The following ZNF14 variants were observed in gnomAD, a reference collection of about 807,000 sequenced individuals.
The protein encoded by ZNF14 is zinc finger protein 14, also known as gonadotropin inducible transcription repressor-4.
ZNF14 carries 9 observed loss-of-function variants against 11.3 expected under a neutral mutation model. That is an observed-to-expected ratio of 0.80 (90% CI 0.48 to 1.39). The LOEUF is 1.39. Ranked by LOEUF, ZNF14 falls within the 40% of genes most tolerant of loss-of-function variation. The probability of loss-of-function intolerance (pLI) is 0.00; values close to 1 mark genes in which losing one functional copy is unlikely to be tolerated. For missense variants in ZNF14, 711 were observed against 763.9 expected, an observed-to-expected ratio of 0.93 and a Z score of 0.82; for synonymous variants, 239 against 245.7, an observed-to-expected ratio of 0.97 and a Z score of 0.25.
rs145149249 is a variant in ZNF14 at position 19,712,405 on chromosome 19, A to T, written c.876T>A (p.Ser292Arg). Residue 292 changes from serine (S) to arginine (R), a missense_variant, in exon 4 of 4, where the codon AGT (serine) becomes AGA (arginine). Transcript: ENST00000344099. ...GAGTCCTTTTATGCCTTCGAAAAGA[A>T]CTGAGAAAACTGAAGGCTTTACCAC... ...KECGKAFSFL[S>R]SFRRHKRTHS... is the part of the protein sequence containing the mutation. The T allele has an allele frequency of 2.2e-5, 35 of 1,609,856 alleles. No homozygotes were observed. In the African/African-American group the frequency reaches 4.6e-4, roughly 21 times the overall value.
intron 1 of ZNF14, among the ~76,000 whole-genome samples, chr19:19,718,659 C>G (rs555484877): frequency 3.9e-5 from 6 of 152,228 alleles, no homozygotes; most frequent in African/African-American, 9.6e-5. Context: ...CAAATCCACA[C>G]CTGGGTGTAT....
rs1284498063 is a variant in ZNF14, at chr19:19,711,372, G to A, written c.1909C>T (p.His637Tyr). 6.4e-7 allele frequency: 1 copy of A among 1,564,686 alleles called. No homozygotes were observed. The stretch of plus-strand genomic sequence containing the variant: ...TATTCTTAGACTTTCTCTCCCATAT[G>A]AGTCCTTTCATGCAGTCGAAAGTGA... Reference protein sequence around the residue: ...SSHFRLHERTHMGEKV With the variant: ...SSHFRLHERTYMGEKV Residue 637 changes from histidine to tyrosine, a missense_variant, in exon 4 of 4, where the codon CAT becomes TAT. His to Tyr is a moderately conservative substitution (Grantham distance 83, BLOSUM62 2). Coordinates refer to ENST00000344099, the MANE Select transcript of ZNF14 (RefSeq NM_021030.3).
intron 1 of ZNF14, among the ~76,000 whole-genome samples, chr19:19,731,292 C>G (rs2062422427): frequency 6.6e-6 from 1 of 151,742 alleles, no homozygotes; most frequent in Non-Finnish European, 1.5e-5. Context: ...TACCCACAAT[C>G]AGCCAGGCGC....
Position 19,711,267 on chromosome 19 carries a change from C to T in ZNF14, c.*85G>A. The T allele has an allele frequency of 1.4e-6, 2 of 1,430,948 alleles. No homozygotes were observed. Among genetic ancestry groups the T allele is most frequent in the African/African-American group, 2.9e-5 (2 of 70,120 alleles). 88.6% of individuals were successfully genotyped at this position (1,430,948 alleles called of 1,614,324 possible). On this transcript the variant is annotated 3_prime_UTR_variant, in exon 4 of 4. Transcript: ENST00000344099. Reference sequence around the variant, plus strand: ...AGGGCTTTAGAACAATGTTTGTATTCACACAGCTTCTGTCCAGTATGAACT... The same window carrying T: ...AGGGCTTTAGAACAATGTTTGTATTTACACAGCTTCTGTCCAGTATGAACT...
Position 19,711,831 on chromosome 19 carries a change from A to G in ZNF14, c.1450T>C (p.Phe484Leu). 1 of 1,613,420 alleles carries G rather than the reference A, an allele frequency of 6.2e-7. No individual in the cohort carries two copies. The highest frequency in any genetic ancestry group is 8.5e-7 in the Non-Finnish European group (1 of 1,179,516). Residue 484 changes from phenylalanine (F) to leucine (L), a missense_variant, in exon 4 of 4, where the codon TTC becomes CTC. Transcript: ENST00000344099. ...PYECKQCGKV[F>L]IRSSSFRLHE... ...AGTCGAAAGGAACTGGAACGAATGA[A>G]AACTTTTCCACACTGTTTACATTCA... is the stretch of plus-strand genomic sequence containing the variant.
At chr19:19,731,711 A>C (rs1599473881) in intron 1 of ZNF14, among the ~76,000 whole-genome samples, 1 of 152,140 alleles carries the variant, frequency 6.6e-6, no homozygotes, top group Non-Finnish European at 1.5e-5. Flanking sequence ...CACAACATAC[A>C]CTTACAATCA....
rs747021917 is a variant in ZNF14 at position 19,712,225 on chromosome 19, CA to C, written c.1055del (p.Val352GlyfsTer354). On this transcript the variant is annotated frameshift_variant, in exon 4 of 4. Coordinates refer to ENST00000344099, the MANE Select transcript of ZNF14 (RefSeq NM_021030.3). LOFTEE classifies it low-confidence loss of function (END_TRUNC). ...TTTCTCCAATATGAGTTCTTTCATG[CA>C]CTCGACAGGAATTAGAAGAGTTGAA... is the stretch of plus-strand genomic sequence containing the variant. ...KAFNSSNSCRVHERTHIGEKP... is the reference protein window; with the variant it reads ...KAFNSSNSCRXHERTHIGEKP... 16 of 1,613,820 alleles carry C rather than the reference CA, an allele frequency of 9.9e-6. No individual in the cohort carries two copies. The highest frequency in any genetic ancestry group is 1.4e-5 in the Non-Finnish European group (16 of 1,179,992).
At chr19:19,723,289 G>A (rs2062398116) in intron 1 of ZNF14, among the ~76,000 whole-genome samples, 1 of 151,768 alleles carries the variant, frequency 6.6e-6, no homozygotes. Flanking sequence ...TAGCATGAAG[G>A]AAGGGCTGTT....
At chr19:19,732,227 T>A (rs1979263) in intron 1 of ZNF14, among the ~76,000 whole-genome samples, 77,727 of 152,024 alleles carry the variant, frequency 0.51, 20,445 homozygotes, top group Non-Finnish European at 0.58. Flanking sequence ...AGCTCACAAT[T>A]AATTCCATCC....
intron 1 of ZNF14, among the ~76,000 whole-genome samples, chr19:19,729,205 T>C (rs1435295274): frequency 6.6e-6 from 1 of 152,046 alleles, no homozygotes; most frequent in Non-Finnish European, 1.5e-5. Context: ...CTGGAACTCC[T>C]AACCTCGTGA....
At chr19:19,732,909 G>A (rs1181963254) in intron 1 of ZNF14, 47 bp downstream of exon 1, 3 of 1,610,910 alleles carry the variant, frequency 1.9e-6, no homozygotes, top group Non-Finnish European at 2.5e-6. Flanking sequence ...GGCCACAGAC[G>A]GTTCCAACCA....
Position 19,714,505 on chromosome 19 carries a change from T to C in ZNF14, c.4-18A>G, listed in dbSNP as rs780573915. The C allele has an allele frequency of 6.8e-5, 110 of 1,606,248 alleles. No homozygotes were observed. The highest frequency in any genetic ancestry group is 8.2e-5 in the Non-Finnish European group (97 of 1,177,538). ...ACTGAGTCCTGAAACATTCCACATA[T>C]GTTTACAGAGGATGGGTAAGACTGG... On this transcript the variant is annotated intron_variant, in intron 1 of 3. Coordinates refer to ENST00000344099, the MANE Select transcript of ZNF14 (RefSeq NM_021030.3).
At chr19:19,713,748 C>CTTTTTTTTTTTTTTTTT (rs71172526) in intron 3 of ZNF14, among the ~76,000 whole-genome samples, 27 of 120,188 alleles carry the variant, frequency 2.2e-4, no homozygotes, top group Admixed American at 3.4e-4. Context: ...TGTGCCAGGC[C>CTTTTTTTTTTTTTTTTT]TTTTTTTTTT....
At chr19:19,721,250 C>T (rs1475830357) in intron 1 of ZNF14, among the ~76,000 whole-genome samples, 1 of 152,212 alleles carries the variant, frequency 6.6e-6, no homozygotes, top group African/African-American at 2.4e-5. Flanking sequence ...GCCACCACCC[C>T]CGGCCCTTCC....
chr19:19,719,640 T>G (rs1051179593), intron 1 of ZNF14, among the ~76,000 whole-genome samples: 2 of 151,980 alleles, frequency 1.3e-5, no homozygotes, highest in African/African-American at 4.8e-5. Flanking sequence ...TCAAGTAAAA[T>G]GCTTAATGAA....
At chr19:19,731,911 C>CA (rs942137853) in intron 1 of ZNF14, among the ~76,000 whole-genome samples, 16 of 151,928 alleles carry the variant, frequency 1.1e-4, no homozygotes, top group Admixed American at 6.6e-5. Flanking sequence ...ACTAAAAATA[C>CA]AAAAAAATTA....
chr19:19,714,067 T>C, intron 3 of ZNF14, 24 bp downstream of exon 3: 1 of 1,610,452 alleles, frequency 6.2e-7, no homozygotes, highest in Non-Finnish European at 8.5e-7. Flanking sequence ...CACGGGCCAC[T>C]ATTTTTCTGT....
chr19:19,711,445 C>A lies in ZNF14; in HGVS notation c.1836G>T (p.Glu612Asp). The A allele has an allele frequency of 6.2e-7, 1 of 1,611,634 alleles. No individual in the cohort carries two copies. The highest frequency in any genetic ancestry group is 8.5e-7 in the Non-Finnish European group (1 of 1,179,212). The change falls in exon 4 of 4, where the codon GAG becomes GAT. Residue 612 changes from glutamate (E) to aspartate (D), a missense_variant. Physicochemically the swap from Glu to Asp is conservative, Grantham distance 45. Transcript: ENST00000344099. ...VRIHERSHTG[E>D]KPYECKQCGK... ...CACATTGTTTGCATTCATAAGGTTT[C>A]TCTCCAGTGTGAGACCTTTCATGAA...
intron 1 of ZNF14, among the ~76,000 whole-genome samples, chr19:19,730,790 TA>T (rs2062421164): frequency 6.6e-6 from 1 of 152,148 alleles, no homozygotes. Context: ...CGCATGCCTG[TA>T]ATCCCAGCTA....
Sources: gnomAD v4.1 joint callset for allele counts (sites outside exome capture counted in the v4.1 genomes callset) on GRCh38, gnomAD v4.1.1 for gene constraint, MANE v1.5 for transcripts, NCBI Gene and HGNC (gene_info 2026-07-23, HGNC 2026-07-21) for gene names.